The following CELF2 variants were observed in gnomAD, a reference collection of about 807,000 sequenced individuals.
CELF2 encodes the protein CUGBP Elav-like family member 2.
Under a neutral mutation model 62.6 loss-of-function variants are expected in CELF2, and 8 were observed. That is an observed-to-expected ratio of 0.13 (90% CI 0.07 to 0.23). CELF2 has a LOEUF of 0.23. Ranked by LOEUF, CELF2 falls within the 10% of genes least tolerant of loss-of-function variation. The pLI, the probability that CELF2 is intolerant of heterozygous loss-of-function variation, is 1.00. For synonymous variants in CELF2, 258 were observed against 250.0 expected, an observed-to-expected ratio of 1.03 and a Z score of -0.30; for missense variants, 333 against 671.0, an observed-to-expected ratio of 0.50 and a Z score of 5.56.
intron 2 of CELF2, among the ~76,000 whole-genome samples, chr10:10,929,998 G>A (rs565447256): frequency 6.6e-6 from 1 of 152,168 alleles, no homozygotes; most frequent in Non-Finnish European, 1.5e-5. Flanking sequence ...AATACTGCCC[G>A]CCTATCACGG....
rs764893322 is a variant in CELF2, at chr10:11,329,538, G to A, written c.*485G>A. 2 of 152,660 alleles carry A rather than the reference G, an allele frequency of 1.3e-5. No individual in the cohort carries two copies. Among genetic ancestry groups the A allele is most frequent in the Non-Finnish European group, 2.9e-5 (2 of 68,066 alleles). The allele number at this position is 152,660 out of a possible 1,614,324, so 9.5% of individuals were successfully genotyped here. A position where few individuals can be genotyped will look rare whatever the true frequency, so the allele number is the denominator to read the frequency against. On this transcript the variant is annotated 3_prime_UTR_variant, in exon 13 of 13. Transcript: ENST00000633077. This position sits in a 1 kb window ranked among gnomAD's most constrained non-coding sequence, Gnocchi z 5.5. ...CGGAGGGAGGGCCCGGTGCTTAGAG[G>A]TTAACTTGGTGGCCTAGGAGAGGGA... is the stretch of plus-strand genomic sequence containing the variant.
chr10:10,924,281 CAAAAAAAAAAAAAAAAA>C (rs11415164), intron 2 of CELF2, among the ~76,000 whole-genome samples: 1 of 45,092 alleles, frequency 2.2e-5, no homozygotes, highest in Admixed American at 3.1e-4. Context: ...GACTCCGTCC[CAAAAAAAAAAAAAAAAA>C]AAAAAAAAAA....
intron 3 of CELF2, among the ~76,000 whole-genome samples, chr10:11,225,104 G>A (rs1156816399): frequency 6.6e-6 from 1 of 151,756 alleles, no homozygotes; most frequent in African/African-American, 2.4e-5. Context: ...ATAAGCTGTT[G>A]AAGTTGGTTT....
chr10:11,100,532 T>C (rs886312185), intron 1 of CELF2, among the ~76,000 whole-genome samples: 3 of 150,986 alleles, frequency 2.0e-5, no homozygotes, highest in African/African-American at 7.3e-5. Flanking sequence ...TCCTAGAGGG[T>C]ATACCCTCTA....
intron 1 of CELF2, among the ~76,000 whole-genome samples, chr10:11,138,481 A>G (rs976887376): frequency 1.3e-5 from 2 of 152,134 alleles, no homozygotes; most frequent in Non-Finnish European, 2.9e-5. Context: ...CTCTTCCTTG[A>G]CAGACTTATT....
At chr10:10,585,833 C>T in the CELF2 span, among the ~76,000 whole-genome samples, 26 of 152,188 alleles carry the variant, frequency 1.7e-4, no homozygotes, top group African/African-American at 5.3e-4. Flanking sequence ...TGGGTAAATA[C>T]CAATTTGCAG....
At chr10:10,605,977 A>G in the CELF2 span, among the ~76,000 whole-genome samples, 6 of 152,162 alleles carry the variant, frequency 3.9e-5, no homozygotes, top group African/African-American at 1.4e-4. Flanking sequence ...TTCTGCCAAC[A>G]TTTTCAGGGC....
the CELF2 span, among the ~76,000 whole-genome samples, chr10:10,627,669 C>G: frequency 5.9e-3 from 895 of 152,246 alleles, 10 homozygotes; most frequent in African/African-American, 0.021. Flanking sequence ...AGGGAAAGAA[C>G]CTATGGGGTC....
rs115989380 is a variant in CELF2 at position 10,800,906 on chromosome 10, A to T, written c.53+2089A>T. Among the ~76,000 whole-genome samples the T allele has an allele frequency of 2.6e-3, 390 of 152,234 alleles. 2 individuals carry two copies. The highest frequency in any genetic ancestry group is 9.0e-3 in the African/African-American group (372 of 41,532). On this transcript the variant is annotated intron_variant, in intron 1 of 13. Coordinates refer to the CELF2 transcript ENST00000636488. ...TGTCTCTAAAACTGAAACACTTCCT[A>T]CAAGTGCTTTCAAACAATTTTTCTC...
At chr10:10,698,844 A>G in the CELF2 span, among the ~76,000 whole-genome samples, 1 of 152,246 alleles carries the variant, frequency 6.6e-6, no homozygotes, top group Non-Finnish European at 1.5e-5. Flanking sequence ...ACACACTGTC[A>G]TCACCATCTT....
intron 1 of CELF2, among the ~76,000 whole-genome samples, chr10:11,148,239 A>G (rs2062639051): frequency 1.3e-5 from 2 of 152,184 alleles, no homozygotes; most frequent in African/African-American, 4.8e-5. Flanking sequence ...TTTCAGCCGT[A>G]CTCAATTGGT....
At chr10:10,483,104 A>G in the CELF2 span, among the ~76,000 whole-genome samples, 1 of 151,680 alleles carries the variant, frequency 6.6e-6, no homozygotes, top group African/African-American at 2.4e-5. Context: ...AACTTTTCTC[A>G]ACGGCTTTTG....
At chr10:10,749,687 T>C in the CELF2 span, among the ~76,000 whole-genome samples, 2 of 152,326 alleles carry the variant, frequency 1.3e-5, no homozygotes, top group East Asian at 1.9e-4. Context: ...TGTAGTATGA[T>C]CCCAGCTTTA....
chr10:10,471,193 A>T, the CELF2 span, among the ~76,000 whole-genome samples: 1 of 151,788 alleles, frequency 6.6e-6, no homozygotes. Flanking sequence ...CCAGATGTAC[A>T]TAAAAAGAAT....
At chr10:10,799,207 C>T (rs1051322832) in intron 1 of CELF2, among the ~76,000 whole-genome samples, 17 of 152,092 alleles carry the variant, frequency 1.1e-4, no homozygotes, top group African/African-American at 2.7e-4. Context: ...TGGCCAGGTG[C>T]GGAGGCTCAC....
At chr10:10,522,447 A>C in the CELF2 span, among the ~76,000 whole-genome samples, 6 of 152,232 alleles carry the variant, frequency 3.9e-5, no homozygotes, top group Non-Finnish European at 8.8e-5. Context: ...CAAATGTAGG[A>C]ATCACCGGAA....
At chr10:11,228,146 A>G (rs2067252950) in intron 3 of CELF2, among the ~76,000 whole-genome samples, 1 of 152,202 alleles carries the variant, frequency 6.6e-6, no homozygotes, top group African/African-American at 2.4e-5. Context: ...TTTCTAGCAT[A>G]TTTTGGCTTA....
At chr10:11,162,933 G>A (rs920378614) in intron 1 of CELF2, among the ~76,000 whole-genome samples, 3 of 152,150 alleles carry the variant, frequency 2.0e-5, no homozygotes, top group African/African-American at 2.4e-5. Flanking sequence ...TTTAGGAAGA[G>A]GTGCTGCCAG....
intron 1 of CELF2, among the ~76,000 whole-genome samples, chr10:10,837,777 A>G (rs890790232): frequency 6.6e-5 from 10 of 152,156 alleles, no homozygotes; most frequent in African/African-American, 2.4e-4. Flanking sequence ...AAAGTGCAAG[A>G]TCCTGACCCA....
Sources: allele counts gnomAD v4.1 joint callset (sites outside exome capture counted in the v4.1 genomes callset), GRCh38; gene constraint gnomAD v4.1.1; non-coding constraint Gnocchi (gnomAD v3.1); transcripts MANE v1.5; gene names NCBI Gene and HGNC (gene_info 2026-07-23, HGNC 2026-07-21).